PTBP2: variants seen among roughly 807,000 people sequenced by gnomAD.
PTBP2 encodes the protein polypyrimidine tract binding protein 2.
PTBP2 carries 13 observed loss-of-function variants against 61.4 expected under a neutral mutation model. The observed-to-expected ratio is 0.21, with a 90% CI of 0.14 to 0.34. PTBP2 has a LOEUF of 0.34. Among genes scored for constraint, PTBP2 ranks in the 10% least tolerant of loss-of-function variants. The pLI is 1.00. For missense variants in PTBP2, 405 were observed against 642.6 expected (o/e 0.63, Z 4.00); for synonymous variants, 215 against 218.5 (o/e 0.98, Z 0.14).
chr1:96,738,295 T>G (rs1252588147), intron 2 of PTBP2, among the ~76,000 whole-genome samples: 1 of 152,116 alleles, frequency 6.6e-6, no homozygotes, highest in African/African-American at 2.4e-5. Flanking sequence ...GGTGAGTTTT[T>G]TTTGTTTGTT....
At chr1:96,797,699 A>G (rs1660528915) in intron 8 of PTBP2, among the ~76,000 whole-genome samples, 1 of 152,080 alleles carries the variant, frequency 6.6e-6, no homozygotes, top group African/African-American at 2.4e-5. Context: ...ACCTATACAC[A>G]ACCTCTTATG....
At chr1:96,734,433 T>A (rs901745700) in intron 2 of PTBP2, among the ~76,000 whole-genome samples, 2 of 152,010 alleles carry the variant, frequency 1.3e-5, no homozygotes, top group Non-Finnish European at 2.9e-5. Flanking sequence ...AATTTCTAAT[T>A]GTCTCATAAA....
At chr1:96,812,306 C>T (rs539595980) in intron 11 of PTBP2, among the ~76,000 whole-genome samples, 34 of 152,014 alleles carry the variant, frequency 2.2e-4, no homozygotes, top group South Asian at 2.1e-4. Flanking sequence ...ATAATGTCAG[C>T]GAGAAGTAGA....
chr1:96,758,111 C>G (rs1457612637), intron 3 of PTBP2, among the ~76,000 whole-genome samples: 1 of 151,706 alleles, frequency 6.6e-6, no homozygotes, highest in East Asian at 1.9e-4. Context: ...TCAATAAAAG[C>G]AGAGATATAT....
At chr1:96,742,808 A>C (rs1653213731) in intron 2 of PTBP2, among the ~76,000 whole-genome samples, 1 of 152,178 alleles carries the variant, frequency 6.6e-6, no homozygotes, top group Non-Finnish European at 1.5e-5. Flanking sequence ...ATCATTTCAT[A>C]TAATCTGCAG....
At position 96,813,053 on chromosome 1, in the gene PTBP2, A is replaced by G. The variant is rs767744175; in HGVS notation, c.1413A>G (p.Leu471=). 2 of 1,613,388 alleles carry G rather than the reference A, an allele frequency of 1.2e-6. No homozygotes were observed. Among genetic ancestry groups the G allele is most frequent in the Non-Finnish European group, 1.7e-6 (2 of 1,179,464 alleles). Residue 471 remains leucine, a synonymous_variant, in exon 13 of 14, where the codon CTA becomes CTG. Transcript: ENST00000674951. ...GTCCATCAGTAGCAGAAGAGGATCTACGAACACTGTTCGCTAACACTGGGG... is the reference window on the plus strand; with the variant it reads ...GTCCATCAGTAGCAGAAGAGGATCTGCGAACACTGTTCGCTAACACTGGGG... ...NIPPSVAEED[L]RTLFANTGGT...
At chr1:96,770,470 G>A (rs1657249643) in intron 4 of PTBP2, among the ~76,000 whole-genome samples, 1 of 151,946 alleles carries the variant, frequency 6.6e-6, no homozygotes, top group Admixed American at 6.6e-5. Context: ...AGATTTGTGG[G>A]TGTGAAAAAT....
At chr1:96,784,993 A>G in intron 7 of PTBP2, 66 bp from the exon 8 acceptor site, 3 of 1,268,084 alleles carry the variant, frequency 2.4e-6, no homozygotes, top group Non-Finnish European at 2.2e-6. Context: ...TTATTACTAA[A>G]ATTATACTTT....
At chr1:96,750,445 A>G (rs1198741770) in intron 2 of PTBP2, among the ~76,000 whole-genome samples, 1 of 151,642 alleles carries the variant, frequency 6.6e-6, no homozygotes, top group Admixed American at 6.6e-5. Context: ...CTCTTAAAAT[A>G]TTTAAGGGAG....
chr1:96,734,095 T>C (rs937110278), intron 2 of PTBP2, among the ~76,000 whole-genome samples: 2 of 152,224 alleles, frequency 1.3e-5, no homozygotes, highest in Admixed American at 6.5e-5. Flanking sequence ...CAGAAAGTTA[T>C]CACGAGATTT....
intron 3 of PTBP2, among the ~76,000 whole-genome samples, chr1:96,754,590 A>G (rs543768985): frequency 6.6e-6 from 1 of 152,314 alleles, no homozygotes; most frequent in East Asian, 1.9e-4. Context: ...TGGAGCATTG[A>G]CTACCAGTTT....
chr1:96,746,515 T>C (rs1253737754), intron 2 of PTBP2, among the ~76,000 whole-genome samples: 1 of 152,072 alleles, frequency 6.6e-6, no homozygotes, highest in African/African-American at 2.4e-5. Context: ...TGATAAAATG[T>C]GAGCTTATTA....
At chr1:96,763,023 C>T (rs184767336) in intron 3 of PTBP2, among the ~76,000 whole-genome samples, 1,709 of 151,762 alleles carry the variant, frequency 0.011, 33 homozygotes, top group African/African-American at 0.04. Flanking sequence ...GATGGGATGG[C>T]GGCCGGGAAG....
intron 3 of PTBP2, among the ~76,000 whole-genome samples, chr1:96,753,678 T>A (rs968375588): frequency 1.3e-5 from 2 of 152,094 alleles, no homozygotes; most frequent in African/African-American, 4.8e-5. Context: ...TATTTTAAGC[T>A]GTAAAGGAAA....
intron 5 of PTBP2, among the ~76,000 whole-genome samples, chr1:96,772,185 C>T (rs992932685): frequency 2.0e-5 from 3 of 152,080 alleles, no homozygotes; most frequent in South Asian, 2.1e-4. Context: ...CCCACAACCC[C>T]CTTTTTGGAT....
rs1200917327 is a variant in PTBP2 at position 96,762,389 on chromosome 1, CG to C, written c.116-7308del. Among the ~76,000 whole-genome samples, 23 of 148,170 alleles carry C rather than the reference CG, an allele frequency of 1.6e-4. No individual in the cohort carries two copies. The East Asian group carries it at 1.9e-3, about 12-fold the overall frequency. ...CTCCCGGATGGGGCGGCTGGCCGGG[CG>C]GGGGGCTGACCCCCCCACCTCCCTC... On this transcript the variant is annotated intron_variant, in intron 3 of 13. Transcript: ENST00000674951.
chr1:96,823,544 GTGTC>G (rs1662750195), exon 14 of PTBP2: 1 of 152,108 alleles, frequency 6.6e-6, no homozygotes, highest in Admixed American at 6.6e-5. Context: ...ACTTGTAAAA[GTGTC>G]TGTTAACCAT....
chr1:96,802,425 G>GA (rs1270918728), intron 8 of PTBP2, among the ~76,000 whole-genome samples: 1 of 152,076 alleles, frequency 6.6e-6, no homozygotes, highest in African/African-American at 2.4e-5. Flanking sequence ...GATGTACAGA[G>GA]AAAATGCTAG....
chr1:96,812,209 A>C (rs945761901), intron 11 of PTBP2, among the ~76,000 whole-genome samples: 1 of 152,198 alleles, frequency 6.6e-6, no homozygotes, highest in African/African-American at 2.4e-5. Context: ...GTAATTTATG[A>C]AGGTCATCAA....
Sources: allele counts gnomAD v4.1 joint callset (sites outside exome capture counted in the v4.1 genomes callset), GRCh38; gene constraint gnomAD v4.1.1; transcripts MANE v1.5; gene names NCBI Gene and HGNC (gene_info 2026-07-23, HGNC 2026-07-21).